The following CDH18 variants were observed in gnomAD, a reference collection of about 807,000 sequenced individuals.
CDH18 encodes cadherin-18.
A neutral mutation model predicts 67.9 loss-of-function variants in CDH18; 31 were observed. The ratio of observed to expected loss-of-function variants is 0.46; its 90% CI spans 0.34 to 0.62. CDH18 has a LOEUF of 0.62. Ranked by LOEUF, CDH18 falls within the 20% of genes least tolerant of loss-of-function variation. CDH18 has a pLI of 0.01. For missense variants in CDH18, 890 were observed against 975.5 expected (o/e 0.91, Z 1.17); for synonymous variants, 362 against 347.2 (o/e 1.04, Z -0.48).
intron 8 of CDH18, among the ~76,000 whole-genome samples, chr5:19,554,117 T>TA (rs1358357507): frequency 1.3e-5 from 2 of 152,316 alleles, no homozygotes; most frequent in African/African-American, 4.8e-5. Flanking sequence ...GTATTGTGCT[T>TA]ATGTGCTTAA....
At chr5:19,491,499 T>C (rs1741455384) in intron 11 of CDH18, among the ~76,000 whole-genome samples, 1 of 152,176 alleles carries the variant, frequency 6.6e-6, no homozygotes, top group Middle Eastern at 3.2e-3. Context: ...AAATACAAGA[T>C]AAACATTTAA....
At chr5:19,702,731 A>T (rs1763432170) in intron 5 of CDH18, among the ~76,000 whole-genome samples, 1 of 152,008 alleles carries the variant, frequency 6.6e-6, no homozygotes, top group South Asian at 2.1e-4. Flanking sequence ...CAGGCTCCCA[A>T]ATCTGGCCAT....
intron 2 of CDH18, among the ~76,000 whole-genome samples, chr5:20,098,784 A>T (rs1746206364): frequency 6.6e-6 from 1 of 152,082 alleles, no homozygotes; most frequent in Non-Finnish European, 1.5e-5. Flanking sequence ...ATTGCAGGAG[A>T]ACTAAAGAAC....
intron 9 of CDH18, among the ~76,000 whole-genome samples, chr5:19,542,875 T>C (rs546554367): frequency 3.9e-5 from 6 of 152,236 alleles, no homozygotes; most frequent in South Asian, 4.1e-4. Context: ...CTAGAAACCA[T>C]TGAGTTATAC....
intron 5 of CDH18, among the ~76,000 whole-genome samples, chr5:19,685,462 T>C (rs1760949647): frequency 6.6e-6 from 1 of 152,182 alleles, no homozygotes. Context: ...TGGTGCGTTA[T>C]TAGGAACAAC....
chr5:20,200,585 G>A (rs943652106), intron 2 of CDH18, among the ~76,000 whole-genome samples: 1 of 152,068 alleles, frequency 6.6e-6, no homozygotes, highest in Non-Finnish European at 1.5e-5. Context: ...CTGAGGTAAA[G>A]GATAGCTTGA....
chr5:19,949,132 G>T (rs1795547607), intron 2 of CDH18, among the ~76,000 whole-genome samples: 1 of 152,180 alleles, frequency 6.6e-6, no homozygotes, highest in South Asian at 2.1e-4. Flanking sequence ...ATTTTCTCAG[G>T]ATGTTTCTTC....
intron 1 of CDH18, among the ~76,000 whole-genome samples, chr5:20,542,492 T>G (rs1005909128): frequency 2.0e-5 from 3 of 151,662 alleles, no homozygotes; most frequent in Non-Finnish European, 4.4e-5. Flanking sequence ...CAATGCTATA[T>G]TGTGTGTATA....
chr5:19,850,411 T>C (rs949770052), intron 2 of CDH18, among the ~76,000 whole-genome samples: 1 of 151,876 alleles, frequency 6.6e-6, no homozygotes, highest in Non-Finnish European at 1.5e-5. Flanking sequence ...AGGGTAGATG[T>C]GATTTTTATT....
chr5:19,798,731 G>T (rs1581398416), intron 3 of CDH18, among the ~76,000 whole-genome samples: 1 of 152,012 alleles, frequency 6.6e-6, no homozygotes, highest in Middle Eastern at 3.4e-3. Context: ...GTGTTTTAAA[G>T]CTTAGTGTTT....
chr5:20,456,618 A>T (rs1750852915), intron 1 of CDH18, among the ~76,000 whole-genome samples: 1 of 152,170 alleles, frequency 6.6e-6, no homozygotes, highest in Non-Finnish European at 1.5e-5. Context: ...GTATAAATGG[A>T]ATTTTCATAA....
chr5:19,927,775 G>T (rs535021604), intron 2 of CDH18, among the ~76,000 whole-genome samples: 1 of 152,184 alleles, frequency 6.6e-6, no homozygotes, highest in East Asian at 1.9e-4. Flanking sequence ...TGTGGTCTTA[G>T]TTTATTCCCA....
At chr5:20,361,239 A>G (rs913135277) in intron 1 of CDH18, among the ~76,000 whole-genome samples, 2 of 152,044 alleles carry the variant, frequency 1.3e-5, no homozygotes, top group Non-Finnish European at 2.9e-5. Flanking sequence ...GGGACTTACT[A>G]CAAAACATTA....
chr5:20,401,239 C>G (rs1011730015), intron 1 of CDH18, among the ~76,000 whole-genome samples: 1 of 152,130 alleles, frequency 6.6e-6, no homozygotes, highest in Non-Finnish European at 1.5e-5. Context: ...TATATTTATA[C>G]TTATGCTTAA....
chr5:19,701,833 A>G (rs1490697809), intron 5 of CDH18, among the ~76,000 whole-genome samples: 1 of 152,136 alleles, frequency 6.6e-6, no homozygotes, highest in African/African-American at 2.4e-5. Context: ...AGACTTCCCT[A>G]TTATCTAAAA....
chr5:20,149,104 T>G (rs1393026723), intron 2 of CDH18, among the ~76,000 whole-genome samples: 6 of 152,152 alleles, frequency 3.9e-5, no homozygotes, highest in Non-Finnish European at 8.8e-5. Flanking sequence ...CTCAAAGGAT[T>G]CCCTCCATTC....
chr5:19,961,276 G>C (rs780703905), intron 2 of CDH18, among the ~76,000 whole-genome samples: 1 of 151,140 alleles, frequency 6.6e-6, no homozygotes, highest in Non-Finnish European at 1.5e-5. Flanking sequence ...ACGCTAATTT[G>C]TTTTGTATTT....
In CDH18 at chr5:19,763,994, C is replaced by CAAAAA. The variant is rs60958986; in HGVS notation, c.229-16763_229-16759dup. On this transcript the variant is annotated intron_variant, in intron 3 of 12. Coordinates refer to ENST00000382275, the MANE Select transcript of CDH18 (RefSeq NM_004934.5). ...TGAAACCTCGTCTCTACTAAAAATA[C>CAAAAA]AAAAAAAAAAAAAAAAAAAAAAAAT... 1.2e-3 allele frequency among the ~76,000 whole-genome samples: 77 copies of CAAAAA among 65,300 alleles called. 2 individuals are homozygous for CAAAAA. Among genetic ancestry groups the CAAAAA allele is most frequent in the East Asian group, 1.7e-3 (3 of 1,790 alleles). 42.8% of individuals were successfully genotyped at this position (65,300 alleles called of 152,430 possible). A position where few individuals can be genotyped will look rare whatever the true frequency, so the allele number is the denominator to read the frequency against.
In CDH18 at chr5:19,822,915, A is replaced by G. The variant is rs541539834; in HGVS notation, c.228+15844T>C. Among the ~76,000 whole-genome samples, 5 of 152,296 alleles carry G rather than the reference A, an allele frequency of 3.3e-5. No homozygotes were observed. The East Asian group carries it at 9.7e-4, about 29-fold the overall frequency. ...AGACTGGGGCTTATTTCATCCCTAC[A>G]GCTCGACCATAAAAGACAGCCACAC... On this transcript the variant is annotated intron_variant, in intron 3 of 12. Transcript: ENST00000382275.
Sources: allele counts gnomAD v4.1 joint callset (sites outside exome capture counted in the v4.1 genomes callset), GRCh38; gene constraint gnomAD v4.1.1; transcripts MANE v1.5; gene names NCBI Gene and HGNC (gene_info 2026-07-23, HGNC 2026-07-21).